Variants in UNC13C observed in about 807,000 individuals in gnomAD.
UNC13C encodes the protein unc-13 homolog C.
In UNC13C, 174 loss-of-function variants were observed where a neutral mutation model predicts 245.4. The observed-to-expected ratio is 0.71, with a 90% CI of 0.63 to 0.80. The LOEUF (loss-of-function observed/expected upper bound fraction) is 0.80, where lower values mean the gene tolerates loss of function less well. Ranked by LOEUF, UNC13C falls within the 30% of genes least tolerant of loss-of-function variation. The pLI, the probability that UNC13C is intolerant of heterozygous loss-of-function variation, is 0.00. For missense variants in UNC13C, 2,829 were observed against 2,602.9 expected, an observed-to-expected ratio of 1.09 and a Z score of -1.89; for synonymous variants, 992 against 895.1, an observed-to-expected ratio of 1.11 and a Z score of -1.93.
rs530955458 is a variant in UNC13C at position 54,470,678 on chromosome 15, T to G, written c.4934-23930T>G. The stretch of plus-strand genomic sequence containing the variant: ...AAGCTAAGATTTTTTCAATTTTGTT[T>G]ATCTTTTTAAAAGCCAATTTTTTGT... On this transcript the variant is annotated intron_variant, in intron 19 of 32. Coordinates refer to ENST00000260323, the MANE Select transcript of UNC13C (RefSeq NM_001080534.3). 5.3e-5 allele frequency among the ~76,000 whole-genome samples: 8 copies of G among 151,568 alleles called. No homozygotes were observed. In the South Asian group the frequency reaches 1.7e-3, roughly 31 times the overall value.
intron 17 of UNC13C, among the ~76,000 whole-genome samples, chr15:54,348,000 T>C (rs1157869394): frequency 1.3e-5 from 2 of 152,206 alleles, no homozygotes; most frequent in African/African-American, 4.8e-5. Flanking sequence ...AGTATTATTG[T>C]TGTATATACT....
intron 26 of UNC13C, among the ~76,000 whole-genome samples, chr15:54,540,633 T>C (rs1440511193): frequency 6.6e-6 from 1 of 152,152 alleles, no homozygotes; most frequent in Admixed American, 6.6e-5. Context: ...GTATAAGCTC[T>C]TTTTGTCTTT....
chr15:54,436,991 C>A (rs1192870175), intron 19 of UNC13C, among the ~76,000 whole-genome samples: 1 of 150,878 alleles, frequency 6.6e-6, no homozygotes, highest in Non-Finnish European at 1.5e-5. Flanking sequence ...TTAACACTGA[C>A]CCTGTTAGCC....
chr15:54,173,973 G>A (rs2033514962), intron 4 of UNC13C, among the ~76,000 whole-genome samples: 2 of 151,940 alleles, frequency 1.3e-5, no homozygotes, highest in South Asian at 4.1e-4. Context: ...TTTCCCCTTT[G>A]TTTATATAGG....
At chr15:54,225,131 A>G (rs576061779) in intron 4 of UNC13C, among the ~76,000 whole-genome samples, 85 of 148,202 alleles carry the variant, frequency 5.7e-4, no homozygotes, top group Admixed American at 1.1e-3. Flanking sequence ...TGAAGATTAG[A>G]TGGTTGTAGA....
rs577531223 is a variant in UNC13C at position 54,272,933 on chromosome 15, A to T, written c.3818+7437A>T. On this transcript the variant is annotated intron_variant, in intron 10 of 32. Transcript: ENST00000260323. Reference sequence around the variant, plus strand: ...ATATCAAATCAAGATGCATGTTTAGAGCTATCACTGTAATATTCCATAGGC... The same window carrying T: ...ATATCAAATCAAGATGCATGTTTAGTGCTATCACTGTAATATTCCATAGGC... Among the ~76,000 whole-genome samples the T allele has an allele frequency of 1.2e-4, 19 of 152,324 alleles. No individual in the cohort carries two copies. In the South Asian group the frequency reaches 3.7e-3, roughly 30 times the overall value.
intron 2 of UNC13C, among the ~76,000 whole-genome samples, chr15:54,111,528 C>G (rs1471258221): frequency 1.3e-5 from 2 of 152,178 alleles, no homozygotes; most frequent in African/African-American, 4.8e-5. Context: ...CCTGAAGCCT[C>G]TCTGGGAAAC....
intron 25 of UNC13C, among the ~76,000 whole-genome samples, chr15:54,526,602 G>A (rs139708611): frequency 5.4e-4 from 82 of 151,960 alleles, no homozygotes; most frequent in African/African-American, 1.7e-3. Context: ...AAAGTAGCCG[G>A]GCGTGGTGAC....
At chr15:54,111,741 C>G (rs1900785721) in intron 2 of UNC13C, among the ~76,000 whole-genome samples, 1 of 152,102 alleles carries the variant, frequency 6.6e-6, no homozygotes, top group Non-Finnish European at 1.5e-5. Context: ...AAATGGAAAG[C>G]CTAAGAATTT....
intron 19 of UNC13C, among the ~76,000 whole-genome samples, chr15:54,426,912 G>A (rs1209499317): frequency 6.6e-6 from 1 of 151,674 alleles, no homozygotes; most frequent in Non-Finnish European, 1.5e-5. Context: ...TCAAATATTA[G>A]CTTTGGTGAT....
At chr15:54,054,594 T>G (rs527260523) in intron 2 of UNC13C, among the ~76,000 whole-genome samples, 5 of 152,214 alleles carry the variant, frequency 3.3e-5, no homozygotes, top group Non-Finnish European at 7.3e-5. Flanking sequence ...AATTTAAATA[T>G]GGGAATGTGA....
rs529743631 is a variant in UNC13C at position 54,369,755 on chromosome 15, C to A, written c.4714-23293C>A. Among the ~76,000 whole-genome samples the A allele has an allele frequency of 2.6e-4, 39 of 152,182 alleles. No individual in the cohort carries two copies. The South Asian group carries it at 8.1e-3, about 32-fold the overall frequency. On this transcript the variant is annotated intron_variant, in intron 17 of 32. Coordinates refer to ENST00000260323, the MANE Select transcript of UNC13C (RefSeq NM_001080534.3). Reference sequence around the variant, plus strand: ...AAAAAATGACACTCAGATTAGTCAACTTGCATGCTATAAAGGGCTTGTAAT... The same window carrying A: ...AAAAAATGACACTCAGATTAGTCAAATTGCATGCTATAAAGGGCTTGTAAT...
At chr15:54,380,648 C>T (rs1282057653) in intron 17 of UNC13C, among the ~76,000 whole-genome samples, 2 of 151,996 alleles carry the variant, frequency 1.3e-5, no homozygotes, top group Non-Finnish European at 1.5e-5. Context: ...TTGATAATAG[C>T]CATTCTGACA....
At chr15:54,094,641 T>C (rs1366497354) in intron 2 of UNC13C, among the ~76,000 whole-genome samples, 1 of 152,214 alleles carries the variant, frequency 6.6e-6, no homozygotes, top group Non-Finnish European at 1.5e-5. Flanking sequence ...CTGACTTTTA[T>C]TCTCAGATAG....
chr15:54,289,745 T>G (rs1316938732), intron 10 of UNC13C, among the ~76,000 whole-genome samples: 3 of 151,994 alleles, frequency 2.0e-5, no homozygotes, highest in Non-Finnish European at 4.4e-5. Flanking sequence ...CTTTTGCCCC[T>G]CGGGACTAAA....
At chr15:54,361,278 T>C (rs1418103697) in intron 17 of UNC13C, among the ~76,000 whole-genome samples, 1 of 152,218 alleles carries the variant, frequency 6.6e-6, no homozygotes, top group Non-Finnish European at 1.5e-5. Context: ...TCAGTTATTG[T>C]ATTCTCTATT....
At chr15:54,215,482 C>G (rs992942714) in intron 4 of UNC13C, among the ~76,000 whole-genome samples, 2 of 151,898 alleles carry the variant, frequency 1.3e-5, no homozygotes, top group African/African-American at 4.8e-5. Context: ...GAGGTAGTCA[C>G]CACTTCTGAA....
intron 32 of UNC13C, among the ~76,000 whole-genome samples, chr15:54,626,284 C>T (rs752925042): frequency 4.6e-5 from 6 of 131,046 alleles, no homozygotes; most frequent in Non-Finnish European, 8.6e-5. Flanking sequence ...TCACCAGGCT[C>T]TGCTGGAATT....
At chr15:54,079,119 A>G (rs1342290056) in intron 2 of UNC13C, among the ~76,000 whole-genome samples, 3 of 151,918 alleles carry the variant, frequency 2.0e-5, no homozygotes, top group African/African-American at 7.2e-5. Context: ...TCAGTTGGTT[A>G]TAGGTGTGTG....
Sources: gnomAD v4.1 joint callset for allele counts (sites outside exome capture counted in the v4.1 genomes callset) on GRCh38, gnomAD v4.1.1 for gene constraint, MANE v1.5 for transcripts, NCBI Gene and HGNC (gene_info 2026-07-23, HGNC 2026-07-21) for gene names.